NAV2: variants seen among roughly 807,000 people sequenced by gnomAD.
The protein encoded by NAV2 is neuron navigator 2, also known as helicase, APC down-regulated 1.
Under a neutral mutation model 223.2 loss-of-function variants are expected in NAV2, and 54 were observed. The observed-to-expected ratio is 0.24, with a 90% CI of 0.19 to 0.30. NAV2 has a LOEUF of 0.30. NAV2 is among the 10% of genes least tolerant of loss of function. The probability of loss-of-function intolerance (pLI) is 1.00; values close to 1 mark genes in which losing one functional copy is unlikely to be tolerated. For synonymous variants in NAV2, 1,279 were observed against 1,239.3 expected, an observed-to-expected ratio of 1.03 and a Z score of -0.67; for missense variants, 2,806 against 3,147.5, an observed-to-expected ratio of 0.89 and a Z score of 2.60.
At chr11:19,363,981 T>G (rs1369489373) in intron 1 of NAV2, among the ~76,000 whole-genome samples, 1 of 152,194 alleles carries the variant, frequency 6.6e-6, no homozygotes, top group Admixed American at 6.5e-5. Context: ...CTGGAAGCTC[T>G]CTGAATCTCA....
rs532014423 is a variant in NAV2, at chr11:19,941,082, G to A, written c.2146+1309G>A. 7.9e-5 allele frequency among the ~76,000 whole-genome samples: 12 copies of A among 152,282 alleles called. No individual in the cohort carries two copies. In the East Asian group the frequency reaches 2.3e-3, roughly 29 times the overall value. On this transcript the variant is annotated intron_variant, in intron 8 of 37. Coordinates refer to ENST00000349880, the MANE Select transcript of NAV2 (RefSeq NM_145117.5). ...GGCCCGTGGAGCAGTGTGGATTCCT[G>A]TCAGATGCTGAGTCTCAGCAAAATC...
chr11:19,788,008 G>GTGGTTCC (rs1441241815), intron 1 of NAV2, among the ~76,000 whole-genome samples: 1 of 152,174 alleles, frequency 6.6e-6, no homozygotes, highest in Non-Finnish European at 1.5e-5. Flanking sequence ...TCTAAGCAGT[G>GTGGTTCC]TGGTTCCAAG....
At chr11:19,915,516 A>G (rs1212943029) in intron 6 of NAV2, among the ~76,000 whole-genome samples, 1 of 152,144 alleles carries the variant, frequency 6.6e-6, no homozygotes. Flanking sequence ...TGCAAAGGCC[A>G]TACTCTCTTA....
chr11:19,363,788 G>T (rs150271440), intron 1 of NAV2, among the ~76,000 whole-genome samples: 1 of 152,298 alleles, frequency 6.6e-6, no homozygotes, highest in African/African-American at 2.4e-5. Context: ...CAGGTTTGAT[G>T]ATTTGCTAGA....
At chr11:19,623,112 TAG>T (rs1197365877) in intron 1 of NAV2, among the ~76,000 whole-genome samples, 2 of 152,242 alleles carry the variant, frequency 1.3e-5, no homozygotes, top group African/African-American at 4.8e-5. Flanking sequence ...TTCTAGCTTA[TAG>T]AGTTTCTGCT....
At chr11:19,453,006 G>A (rs139822683) in intron 1 of NAV2, among the ~76,000 whole-genome samples, 1 of 152,338 alleles carries the variant, frequency 6.6e-6, no homozygotes, top group East Asian at 1.9e-4. Flanking sequence ...GCTCAGAGAA[G>A]TTAAGTAATT....
Position 20,114,660 on chromosome 11 carries a change from C to T in NAV2, c.7029C>T (p.Ala2343=), listed in dbSNP as rs1486293897. 2 of 1,614,060 alleles carry T rather than the reference C, an allele frequency of 1.2e-6. No homozygotes were observed. The highest frequency in any genetic ancestry group is 1.7e-6 in the Non-Finnish European group (2 of 1,180,044). ...TGATGGACACATATCCATGGGCAGCCAGCCCACAACAGCACGAGTGGCCTC... is the reference window on the plus strand; with the variant it reads ...TGATGGACACATATCCATGGGCAGCTAGCCCACAACAGCACGAGTGGCCTC... The part of the protein sequence containing the change: ...KWVMDTYPWA[A]SPQQHEWPPL... The change falls in exon 37 of 38, where the codon GCC becomes GCT. Residue 2343 remains alanine (A), a synonymous_variant. Transcript: ENST00000349880.
At chr11:20,030,054 C>T (rs1157135247) in intron 11 of NAV2, among the ~76,000 whole-genome samples, 1 of 152,180 alleles carries the variant, frequency 6.6e-6, no homozygotes, top group Admixed American at 6.5e-5. Flanking sequence ...ATAGGGAAAC[C>T]AGCCAAGCTC....
At position 20,108,606 on chromosome 11, in the gene NAV2, C is replaced by CTT. The variant is rs5790107; in HGVS notation, c.6960+841_6960+842dup. Reference sequence around the variant, plus strand: ...TACAGGCGTGTGCTACCACACCTGGCTTTTTTTTTTTTTTTTTTGGATTTT... The same window carrying CTT: ...TACAGGCGTGTGCTACCACACCTGGCTTTTTTTTTTTTTTTTTTTTGGATTTT... On this transcript the variant is annotated intron_variant, in intron 36 of 37. Coordinates refer to ENST00000349880, the MANE Select transcript of NAV2 (RefSeq NM_145117.5). 3.8e-3 allele frequency among the ~76,000 whole-genome samples: 462 copies of CTT among 121,710 alleles called. 5 individuals carry two copies. The highest frequency in any genetic ancestry group is 0.011 in the African/African-American group (374 of 34,228). The allele number at this position is 121,710 out of a possible 152,430, so 79.8% of individuals were successfully genotyped here.
chr11:20,051,763 A>G (rs964187674), intron 17 of NAV2, among the ~76,000 whole-genome samples: 6 of 152,180 alleles, frequency 3.9e-5, no homozygotes, highest in South Asian at 4.1e-4. Flanking sequence ...TTTTCCCCCA[A>G]TTTGAAAATA....
intron 1 of NAV2, among the ~76,000 whole-genome samples, chr11:19,622,546 A>G (rs1348051305): frequency 6.6e-6 from 1 of 152,142 alleles, no homozygotes; most frequent in Non-Finnish European, 1.5e-5. Flanking sequence ...TTGTTGGTTT[A>G]AAGTCTGTTT....
intron 1 of NAV2, among the ~76,000 whole-genome samples, chr11:19,680,223 A>G (rs991537899): frequency 6.6e-6 from 1 of 151,378 alleles, no homozygotes; most frequent in Non-Finnish European, 1.5e-5. Flanking sequence ...TTCATCCCCC[A>G]CCCCCCTCTT....
chr11:19,525,178 C>A (rs1414782694), intron 1 of NAV2, among the ~76,000 whole-genome samples: 1 of 152,176 alleles, frequency 6.6e-6, no homozygotes, highest in Non-Finnish European at 1.5e-5. Context: ...ATCTTACTGT[C>A]CAACCTGTGT....
chr11:19,802,796 C>A (rs980366188), intron 1 of NAV2, among the ~76,000 whole-genome samples: 11 of 151,854 alleles, frequency 7.2e-5, no homozygotes, highest in African/African-American at 2.7e-4. Flanking sequence ...TGGGGACAGG[C>A]AATTTGCAGG....
intron 1 of NAV2, among the ~76,000 whole-genome samples, chr11:19,810,089 TG>T (rs1160068007): frequency 6.6e-6 from 1 of 152,264 alleles, no homozygotes; most frequent in Non-Finnish European, 1.5e-5. Flanking sequence ...TCTATTTACA[TG>T]GAAGATTTTT....
At chr11:19,598,429 C>A (rs140505363) in intron 1 of NAV2, among the ~76,000 whole-genome samples, 4 of 152,204 alleles carry the variant, frequency 2.6e-5, no homozygotes, top group African/African-American at 9.6e-5. Context: ...TGCTTTTATG[C>A]TGCTTTGTCT....
At chr11:19,644,802 C>G (rs759294615) in intron 1 of NAV2, among the ~76,000 whole-genome samples, 1 of 152,216 alleles carries the variant, frequency 6.6e-6, no homozygotes, top group Non-Finnish European at 1.5e-5. Flanking sequence ...GATGGGCCAG[C>G]AGGCCAGGGC....
intron 1 of NAV2, among the ~76,000 whole-genome samples, chr11:19,751,058 G>A (rs1335760067): frequency 6.6e-6 from 1 of 152,154 alleles, no homozygotes; most frequent in Non-Finnish European, 1.5e-5. Context: ...ACATCATGTT[G>A]CTAGCTAAAA....
intron 11 of NAV2, among the ~76,000 whole-genome samples, chr11:19,991,381 T>C (rs2051316612): frequency 6.6e-6 from 1 of 152,090 alleles, no homozygotes; most frequent in Admixed American, 6.5e-5. Flanking sequence ...TGCCTCAGCC[T>C]CCCAAAGTGC....
Sources: gnomAD v4.1 joint callset for allele counts (sites outside exome capture counted in the v4.1 genomes callset) on GRCh38, gnomAD v4.1.1 for gene constraint, MANE v1.5 for transcripts, NCBI Gene and HGNC (gene_info 2026-07-23, HGNC 2026-07-21) for gene names.